Variants in TAAR5 observed in about 807,000 individuals in gnomAD.
The protein encoded by TAAR5 is trace amine associated receptor 5.
TAAR5 carries 27 observed loss-of-function variants against 21.1 expected under a neutral mutation model. The ratio of observed to expected loss-of-function variants is 1.28; its 90% confidence interval spans 0.94 to 1.76. TAAR5 has a LOEUF of 1.76. TAAR5 is among the 40% of genes most tolerant of loss of function. The pLI is 0.00. For synonymous variants in TAAR5, 203 were observed against 167.5 expected (o/e 1.21, Z -1.64); for missense variants, 495 against 405.6 (o/e 1.22, Z -1.89).
At chr6:132,616,146 A>G in the TAAR5 span, among the ~76,000 whole-genome samples, 1 of 152,192 alleles carries the variant, frequency 6.6e-6, no homozygotes, top group South Asian at 2.1e-4. Flanking sequence ...TTTTAAATGT[A>G]TATACCATGG....
At chr6:132,614,438 C>T in the TAAR5 span, among the ~76,000 whole-genome samples, 1 of 152,186 alleles carries the variant, frequency 6.6e-6, no homozygotes, top group African/African-American at 2.4e-5. Flanking sequence ...ACTATCTTCT[C>T]AATTGCAACC....
At chr6:132,608,526 G>A in the TAAR5 span, 1 of 455,176 alleles carries the variant, frequency 2.2e-6, no homozygotes, top group Non-Finnish European at 4.4e-6. Context: ...CTGCTTTCCT[G>A]TCCTTTTTCT....
the TAAR5 span, among the ~76,000 whole-genome samples, chr6:132,601,741 A>G: frequency 6.6e-6 from 1 of 152,230 alleles, no homozygotes; most frequent in Non-Finnish European, 1.5e-5. Context: ...CTGACATAAA[A>G]TGAAACTCTA....
the TAAR5 span, among the ~76,000 whole-genome samples, chr6:132,615,392 A>G: frequency 6.6e-6 from 1 of 152,142 alleles, no homozygotes; most frequent in Admixed American, 6.5e-5. Flanking sequence ...ATGTGAGAGA[A>G]TTTTTATTTT....
chr6:132,589,205 AC>A lies in TAAR5; in HGVS notation c.481del (p.Val161CysfsTer15), dbSNP rs750163178. 5.0e-6 allele frequency: 8 copies of A among 1,604,648 alleles called. No homozygotes were observed. The highest frequency in any genetic ancestry group is 6.8e-6 in the Non-Finnish European group (8 of 1,175,290). On this transcript the variant is annotated frameshift_variant, in exon 1 of 1. Coordinates refer to ENST00000258034, the MANE Select transcript of TAAR5 (RefSeq NM_003967.3). LOFTEE classifies it high-confidence loss of function. Reference sequence around the variant, plus strand: ...GAATAACGAAGTGTATGCTGCGGGCACCCCCCATCCTGCCAGGATGTACCTG... The same window carrying A: ...GAATAACGAAGTGTATGCTGCGGGCACCCCCATCCTGCCAGGATGTACCTG... ...ALRYILAGWG[V>X]PAAYTSLFLY...
Position 132,588,641 on chromosome 6 carries a change from TC to T in TAAR5, c.*31del, listed in dbSNP as rs772460367. On this transcript the variant is annotated 3_prime_UTR_variant, in exon 1 of 1. Transcript: ENST00000258034. ...AGTGCCACTTATCTTTCCTGTGAGG[TC>T]CTACTCCTTGCCTGCATTTAGTAGA... 3.5e-5 allele frequency: 56 copies of T among 1,581,494 alleles called. No homozygotes were observed. In the Admixed American group the frequency reaches 9.2e-4, roughly 26 times the overall value.
chr6:132,615,430 T>A, the TAAR5 span, among the ~76,000 whole-genome samples: 4 of 150,232 alleles, frequency 2.7e-5, no homozygotes, highest in Non-Finnish European at 3.0e-5. Context: ...CAAATTTGAA[T>A]TTTGAAAATC....
Position 132,589,106 on chromosome 6 carries a change from A to T in TAAR5, c.581T>A (p.Leu194Gln), listed in dbSNP as rs1278444519. ...CCAGCCCCAAAATTTATTGAGCAGCAGCTGGCAACTGCCCACACAAGGCAT... is the reference window on the plus strand; with the variant it reads ...CCAGCCCCAAAATTTATTGAGCAGCTGCTGGCAACTGCCCACACAAGGCAT... Reference protein sequence around the residue: ...EEMPCVGSCQLLLNKFWGWLN... With the variant: ...EEMPCVGSCQQLLNKFWGWLN... Residue 194 changes from leucine to glutamine, a missense_variant, in exon 1 of 1, where the codon CTG (leucine) becomes CAG (glutamine). Transcript: ENST00000258034. The T allele has an allele frequency of 1.9e-6, 3 of 1,613,976 alleles. No individual in the cohort carries two copies. The highest frequency in any genetic ancestry group is 2.5e-6 in the Non-Finnish European group (3 of 1,179,894).
the TAAR5 span, among the ~76,000 whole-genome samples, chr6:132,597,012 G>T: frequency 7.9e-5 from 12 of 151,968 alleles, no homozygotes; most frequent in African/African-American, 2.9e-4. Context: ...TTCAGCATTT[G>T]CCACTATATA....
At chr6:132,594,181 T>C (rs1235860220), upstream of TAAR5, among the ~76,000 whole-genome samples, 1 of 152,178 alleles carries the variant, frequency 6.6e-6, no homozygotes, top group Non-Finnish European at 1.5e-5. Flanking sequence ...AGATTCTTTT[T>C]ATTGGAGTTG....
At chr6:132,610,709 T>TCC in the TAAR5 span, among the ~76,000 whole-genome samples, 2 of 152,180 alleles carry the variant, frequency 1.3e-5, no homozygotes, top group Non-Finnish European at 2.9e-5. Context: ...AGCTGACTGT[T>TCC]CCATGTGACT....
chr6:132,595,906 C>T, the TAAR5 span, among the ~76,000 whole-genome samples: 9 of 152,310 alleles, frequency 5.9e-5, no homozygotes, highest in Non-Finnish European at 1.0e-4. Flanking sequence ...GCTGATGCTT[C>T]CTTTTTAACT....
At position 132,589,393 on chromosome 6, in the gene TAAR5, G is replaced by T. The variant is rs1484318365; in HGVS notation, c.294C>A (p.Ser98Arg). The change falls in exon 1 of 1, where the codon AGC becomes AGA. Residue 98 changes from serine to arginine, a missense_variant. Coordinates refer to ENST00000258034, the MANE Select transcript of TAAR5 (RefSeq NM_003967.3). ...LPLSTIRSVESCWFFGDFLCR... is the reference protein window; with the variant it reads ...LPLSTIRSVERCWFFGDFLCR... ...AGAGGAAGTCCCCGAAGAACCAGCA[G>T]CTCTCCACTGAGCGAATGGTGCTGA... The T allele has an allele frequency of 6.2e-7, 1 of 1,614,114 alleles. No individual in the cohort carries two copies. Among genetic ancestry groups the T allele is most frequent in the Non-Finnish European group, 8.5e-7 (1 of 1,179,984 alleles).
the TAAR5 span, among the ~76,000 whole-genome samples, chr6:132,611,667 C>A: frequency 6.6e-6 from 1 of 152,066 alleles, no homozygotes; most frequent in Admixed American, 6.6e-5. Flanking sequence ...GAGGAAATAG[C>A]GGAAGCAAGT....
At chr6:132,607,304 C>T in the TAAR5 span, among the ~76,000 whole-genome samples, 2 of 152,022 alleles carry the variant, frequency 1.3e-5, no homozygotes, top group Non-Finnish European at 2.9e-5. Flanking sequence ...AACATAATCC[C>T]AGGTATGAGG....
At chr6:132,607,987 C>T in the TAAR5 span, among the ~76,000 whole-genome samples, 7 of 152,270 alleles carry the variant, frequency 4.6e-5, no homozygotes, top group African/African-American at 1.7e-4. Flanking sequence ...TTTTATATTT[C>T]TTTCGTACAT....
the TAAR5 span, chr6:132,608,893 C>T: frequency 1.1e-5 from 5 of 455,752 alleles, no homozygotes; most frequent in South Asian, 4.6e-5. Flanking sequence ...GGCATAAAAT[C>T]GGTCAATAGC....
At chr6:132,606,065 G>A in the TAAR5 span, among the ~76,000 whole-genome samples, 14 of 152,032 alleles carry the variant, frequency 9.2e-5, no homozygotes, top group Non-Finnish European at 1.9e-4. Flanking sequence ...GGGTACACAT[G>A]GTCATAAAAA....
chr6:132,608,785 C>T, the TAAR5 span: 2 of 455,684 alleles, frequency 4.4e-6, no homozygotes, highest in African/African-American at 2.0e-5. Flanking sequence ...TAGAACTAAA[C>T]CAAAAGAAAA....
Sources: gnomAD v4.1 joint callset for allele counts (sites outside exome capture counted in the v4.1 genomes callset) on GRCh38, gnomAD v4.1.1 for gene constraint, MANE v1.5 for transcripts, NCBI Gene and HGNC (gene_info 2026-07-23, HGNC 2026-07-21) for gene names.